Variants in DOCK2 observed in about 807,000 individuals in gnomAD.
DOCK2 encodes the protein dedicator of cytokinesis 2, also known as dedicator of cytokinesis protein 2.
A neutral mutation model predicts 248.9 loss-of-function variants in DOCK2; 87 were observed. That is an observed-to-expected ratio of 0.35 (90% confidence interval 0.29 to 0.42). The LOEUF is 0.42. Among genes scored for constraint, DOCK2 ranks in the 10% least tolerant of loss-of-function variants. The pLI is 1.00. For synonymous variants in DOCK2, 805 were observed against 821.6 expected, an observed-to-expected ratio of 0.98 and a Z score of 0.35; for missense variants, 1,747 against 2,300.2, an observed-to-expected ratio of 0.76 and a Z score of 4.92.
intron 29 of DOCK2, among the ~76,000 whole-genome samples, chr5:169,992,714 C>T (rs944692124): frequency 1.3e-5 from 2 of 152,108 alleles, no homozygotes; most frequent in African/African-American, 4.8e-5. Context: ...CCACCCATCT[C>T]GGCCTCCCAA....
intron 44 of DOCK2, among the ~76,000 whole-genome samples, chr5:170,059,650 A>G (rs1487858728): frequency 6.6e-6 from 1 of 152,234 alleles, no homozygotes; most frequent in Admixed American, 6.5e-5. Context: ...AAGAAGACAG[A>G]TATTTTGTCT....
intron 25 of DOCK2, among the ~76,000 whole-genome samples, chr5:169,792,257 G>T (rs1435603822): frequency 6.6e-6 from 1 of 152,144 alleles, no homozygotes; most frequent in Non-Finnish European, 1.5e-5. Context: ...GTGAGACACA[G>T]ATCTTCATAG....
intron 26 of DOCK2, among the ~76,000 whole-genome samples, chr5:169,828,159 G>T (rs1581251122): frequency 6.6e-6 from 1 of 152,222 alleles, no homozygotes; most frequent in Admixed American, 6.5e-5. Context: ...TAGATCAGAG[G>T]ATACAAATTC....
chr5:169,840,983 T>C (rs1487896377), intron 27 of DOCK2, 131 bp downstream of exon 27: 1 of 1,006,810 alleles, frequency 9.9e-7, no homozygotes, highest in Admixed American at 2.2e-5. Context: ...GGTGACCAGA[T>C]TTTTCCTGTC....
intron 2 of DOCK2, among the ~76,000 whole-genome samples, chr5:169,667,072 A>G (rs1465595895): frequency 6.6e-6 from 1 of 152,234 alleles, no homozygotes; most frequent in East Asian, 1.9e-4. Context: ...CCTTGGATCC[A>G]GGAAGACAAG....
At chr5:170,016,610 G>A (rs1198626957) in intron 32 of DOCK2, among the ~76,000 whole-genome samples, 1 of 152,198 alleles carries the variant, frequency 6.6e-6, no homozygotes, top group Non-Finnish European at 1.5e-5. Flanking sequence ...CAGATCAAAA[G>A]TATTTAAGAA....
chr5:169,652,041 A>G (rs1169131935), intron 1 of DOCK2, among the ~76,000 whole-genome samples: 3 of 152,216 alleles, frequency 2.0e-5, no homozygotes, highest in Non-Finnish European at 4.4e-5. Context: ...TATGGGCATT[A>G]ATTTCAGCTG....
chr5:169,875,282 G>T (rs1487566304), intron 27 of DOCK2: 4 of 456,676 alleles, frequency 8.8e-6, no homozygotes, highest in Non-Finnish European at 1.8e-5. Context: ...TGATTCAGTG[G>T]CTTTGGGGCT....
chr5:169,859,420 A>G (rs1771057790), intron 27 of DOCK2, among the ~76,000 whole-genome samples: 3 of 152,242 alleles, frequency 2.0e-5, no homozygotes, highest in African/African-American at 7.2e-5. Context: ...CTGAATGCTG[A>G]CAGTGTTGGA....
chr5:169,908,109 T>C (rs1015349138), intron 27 of DOCK2, among the ~76,000 whole-genome samples: 6 of 152,196 alleles, frequency 3.9e-5, no homozygotes, highest in Non-Finnish European at 7.3e-5. Context: ...GAAAGCCCAA[T>C]GTATTCTGCA....
rs201425547 is a variant in DOCK2 at position 169,711,892 on chromosome 5, C to T, written c.1483-43C>T. The T allele has an allele frequency of 3.3e-4, 536 of 1,609,940 alleles. 1 individual carries two copies. Among genetic ancestry groups the T allele is most frequent in the Non-Finnish European group, 4.4e-4 (522 of 1,177,696 alleles). On this transcript the variant is annotated intron_variant, in intron 15 of 51. Transcript: ENST00000520908. ...TGTAGGGGGGTGCAGTGGGGAGGGC[C>T]CTTTAACTCATTGTGTTCTGAGCTC...
At chr5:169,923,321 T>C (rs1205936488) in intron 27 of DOCK2, among the ~76,000 whole-genome samples, 1 of 152,274 alleles carries the variant, frequency 6.6e-6, no homozygotes, top group Admixed American at 6.5e-5. Flanking sequence ...ATATATTTCC[T>C]AAATTTCCTA....
intron 6 of DOCK2, among the ~76,000 whole-genome samples, chr5:169,676,465 TC>T (rs1759341447): frequency 6.6e-6 from 1 of 152,190 alleles, no homozygotes; most frequent in Non-Finnish European, 1.5e-5. Flanking sequence ...TCTGTCAGTT[TC>T]CTTTGGGGAA....
At chr5:169,750,519 C>A (rs921789710) in intron 23 of DOCK2, among the ~76,000 whole-genome samples, 2 of 151,798 alleles carry the variant, frequency 1.3e-5, no homozygotes, top group African/African-American at 4.8e-5. Flanking sequence ...TTATAAAATG[C>A]TATGCAAATG....
intron 33 of DOCK2, among the ~76,000 whole-genome samples, chr5:170,025,720 G>A (rs897953729): frequency 6.6e-6 from 1 of 152,112 alleles, no homozygotes; most frequent in Non-Finnish European, 1.5e-5. Context: ...CAGACTGGCA[G>A]TCTAGACTCT....
chr5:169,931,256 G>A (rs1775736727), intron 27 of DOCK2, among the ~76,000 whole-genome samples: 1 of 152,234 alleles, frequency 6.6e-6, no homozygotes, highest in Non-Finnish European at 1.5e-5. Flanking sequence ...GGAGAGTGAG[G>A]AAGGCTTGGC....
chr5:169,828,173 CCTT>C (rs1355838702), intron 26 of DOCK2, among the ~76,000 whole-genome samples: 1 of 152,134 alleles, frequency 6.6e-6, no homozygotes, highest in African/African-American at 2.4e-5. Flanking sequence ...CAAATTCACT[CCTT>C]AGATCTACTG....
intron 26 of DOCK2, among the ~76,000 whole-genome samples, chr5:169,806,875 C>G (rs1767399431): frequency 6.6e-6 from 1 of 151,030 alleles, no homozygotes; most frequent in South Asian, 2.1e-4. Context: ...ATCCCCCCGC[C>G]CCCCCACTGA....
chr5:169,822,933 G>A (rs1768568163), intron 26 of DOCK2, among the ~76,000 whole-genome samples: 1 of 152,066 alleles, frequency 6.6e-6, no homozygotes, highest in Non-Finnish European at 1.5e-5. Context: ...AATGATAAAG[G>A]GGATATCACC....
Sources: gnomAD v4.1 joint callset for allele counts (sites outside exome capture counted in the v4.1 genomes callset) on GRCh38, gnomAD v4.1.1 for gene constraint, MANE v1.5 for transcripts, NCBI Gene and HGNC (gene_info 2026-07-23, HGNC 2026-07-21) for gene names.